The following EXOC2 variants were observed in gnomAD, a reference collection of about 807,000 sequenced individuals.
EXOC2 encodes the protein SEC5-like 1.
A neutral mutation model predicts 131.8 loss-of-function variants in EXOC2; 70 were observed. That is an observed-to-expected ratio of 0.53 (90% CI 0.44 to 0.65). EXOC2 has a LOEUF of 0.65. Ranked by LOEUF, EXOC2 falls within the 30% of genes least tolerant of loss-of-function variation. The pLI is 0.00. For synonymous variants in EXOC2, 411 were observed against 398.4 expected (o/e 1.03, Z -0.38); for missense variants, 923 against 1,108.6 (o/e 0.83, Z 2.38).
chr6:648,846 C>G (rs1762699722), intron 1 of EXOC2, among the ~76,000 whole-genome samples: 1 of 149,544 alleles, frequency 6.7e-6, no homozygotes, highest in Non-Finnish European at 1.5e-5. Flanking sequence ...CTCAGCCTTA[C>G]AAGTAGCTGG....
chr6:609,794 G>C lies in EXOC2; in HGVS notation c.742+304C>G, dbSNP rs550587925. Among the ~76,000 whole-genome samples the C allele has an allele frequency of 2.0e-5, 3 of 152,298 alleles. No individual in the cohort carries two copies. The East Asian group carries it at 5.8e-4, about 29-fold the overall frequency. On this transcript the variant is annotated intron_variant, in intron 7 of 27. Transcript: ENST00000230449. ...AGTGACAATCCTGGCTACTGCTTCA[G>C]TGCTTTCCTCGCTTTGAAGATGCTG...
chr6:579,927 A>T (rs1265780778), intron 11 of EXOC2, among the ~76,000 whole-genome samples: 5 of 152,214 alleles, frequency 3.3e-5, no homozygotes, highest in Admixed American at 3.3e-4. Flanking sequence ...AATCAGCAAA[A>T]GTCTTTAAAT....
chr6:679,821 C>T lies in EXOC2; in HGVS notation c.-44+13198G>A, dbSNP rs558388475. ...CAAATTAGCGAAATAGAAAGACATACGAATAAATAAATAGGCAGATAGGTA... is the reference window on the plus strand; with the variant it reads ...CAAATTAGCGAAATAGAAAGACATATGAATAAATAAATAGGCAGATAGGTA... On this transcript the variant is annotated intron_variant, in intron 1 of 27. Transcript: ENST00000230449. 5.9e-5 allele frequency among the ~76,000 whole-genome samples: 9 copies of T among 152,146 alleles called. No homozygotes were observed. In the South Asian group the frequency reaches 1.0e-3, roughly 18 times the overall value.
At chr6:590,101 C>T (rs1759455338) in intron 11 of EXOC2, among the ~76,000 whole-genome samples, 1 of 139,008 alleles carries the variant, frequency 7.2e-6, no homozygotes, top group South Asian at 2.4e-4. Flanking sequence ...GGCGACAAAG[C>T]GAGACTCTGT....
intron 1 of EXOC2, among the ~76,000 whole-genome samples, chr6:647,547 A>G (rs1220378594): frequency 7.1e-6 from 1 of 139,862 alleles, no homozygotes; most frequent in East Asian, 2.1e-4. Context: ...CGGATCTGTA[A>G]GAGTCTAGTA....
At position 486,145 on chromosome 6, in the gene EXOC2, T is replaced by C. The variant is rs1399863070; in HGVS notation, c.*526A>G. 6.6e-6 allele frequency: 1 copy of C among 152,220 alleles called. No individual in the cohort carries two copies. Among genetic ancestry groups the C allele is most frequent in the African/African-American group, 2.4e-5 (1 of 41,416 alleles). 9.4% of individuals were successfully genotyped at this position (152,220 alleles called of 1,614,324 possible). ...TATTTTAATGGAGACCATAAATTTT[T>C]CCAAAAACCCGCTTGAATTAGAAAA... On this transcript the variant is annotated 3_prime_UTR_variant, in exon 28 of 28. Coordinates refer to ENST00000230449, the MANE Select transcript of EXOC2 (RefSeq NM_018303.6).
intron 3 of EXOC2, among the ~76,000 whole-genome samples, chr6:631,275 C>A (rs1761835545): frequency 1.3e-5 from 2 of 152,214 alleles, no homozygotes; most frequent in Admixed American, 6.5e-5. Flanking sequence ...TGCAGTAGCT[C>A]ACACCTGTAA....
In EXOC2 at chr6:615,182, G is replaced by GTGT. The variant is rs1561927678; in HGVS notation, c.661+2528_661+2529insACA. ...GGTTTGAAAAGTATATGTGGGTGTGGGTGTGTGTGTGTGTGTGTGTGTGTG... is the reference window on the plus strand; with the variant it reads ...GGTTTGAAAAGTATATGTGGGTGTGGTGTGTGTGTGTGTGTGTGTGTGTGTGTG... On this transcript the variant is annotated intron_variant, in intron 6 of 27. Transcript: ENST00000230449. 8.3e-3 allele frequency among the ~76,000 whole-genome samples: 1,000 copies of GTGT among 121,100 alleles called. 5 individuals carry two copies. Among genetic ancestry groups the GTGT allele is most frequent in the Middle Eastern group, 0.036 (8 of 220 alleles). The allele number at this position is 121,100 out of a possible 152,430, so 79.4% of individuals were successfully genotyped here. A position where few individuals can be genotyped will look rare whatever the true frequency, so the allele number is the denominator to read the frequency against.
intron 22 of EXOC2, among the ~76,000 whole-genome samples, chr6:544,529 C>T (rs916934599): frequency 1.3e-5 from 2 of 152,060 alleles, no homozygotes; most frequent in Non-Finnish European, 2.9e-5. Flanking sequence ...ATAAAATAGC[C>T]TGTAAACAAA....
rs987048753 is a variant in EXOC2 at position 659,479 on chromosome 6, A to C, written c.-43-21618T>G. Among the ~76,000 whole-genome samples, 28 of 152,286 alleles carry C rather than the reference A, an allele frequency of 1.8e-4. No homozygotes were observed. The Middle Eastern group carries it at 0.01, about 55-fold the overall frequency. On this transcript the variant is annotated intron_variant, in intron 1 of 27. Transcript: ENST00000230449. ...TGCAAGAACAAACCAGCAATCTCAGACCCTCTGAAGGAAGTAAACTGCTCT... is the reference window on the plus strand; with the variant it reads ...TGCAAGAACAAACCAGCAATCTCAGCCCCTCTGAAGGAAGTAAACTGCTCT...
At chr6:644,975 C>T (rs1762513535) in intron 1 of EXOC2, among the ~76,000 whole-genome samples, 1 of 152,026 alleles carries the variant, frequency 6.6e-6, no homozygotes, top group Non-Finnish European at 1.5e-5. Flanking sequence ...TTCTAAAATT[C>T]CAGTAGATAT....
chr6:564,703 C>T lies in EXOC2; in HGVS notation c.1510-1G>A, dbSNP rs1295299737. 6.3e-7 allele frequency: 1 copy of T among 1,586,446 alleles called. No homozygotes were observed. On this transcript the variant is annotated splice_acceptor_variant, in intron 14 of 27. Transcript: ENST00000230449. LOFTEE classifies it high-confidence loss of function. ...AGTGCATTACTTCCTGAATCATTTT[C>T]TAGAAAACCAGGAACAAGCATAACC...
intron 12 of EXOC2, among the ~76,000 whole-genome samples, chr6:576,217 T>C (rs893843250): frequency 6.6e-6 from 1 of 152,212 alleles, no homozygotes; most frequent in Non-Finnish European, 1.5e-5. Context: ...GAATGCCTGA[T>C]AGTCGATCAT....
Position 485,773 on chromosome 6 carries a change from A to G in EXOC2, c.*898T>C, listed in dbSNP as rs962573571. The G allele has an allele frequency of 3.9e-5, 6 of 152,278 alleles. No homozygotes were observed. The highest frequency in any genetic ancestry group is 1.4e-4 in the African/African-American group (6 of 41,468). 9.4% of individuals were successfully genotyped at this position (152,278 alleles called of 1,614,324 possible). A position where few individuals can be genotyped will look rare whatever the true frequency, so the allele number is the denominator to read the frequency against. Reference sequence around the variant, plus strand: ...TTCCAGCTACTGAGCAAGATCCTTCAGCAGGTAAGAAGTGGCAGAGACAGT... The same window carrying G: ...TTCCAGCTACTGAGCAAGATCCTTCGGCAGGTAAGAAGTGGCAGAGACAGT... On this transcript the variant is annotated 3_prime_UTR_variant, in exon 28 of 28. Coordinates refer to ENST00000230449, the MANE Select transcript of EXOC2 (RefSeq NM_018303.6).
chr6:569,241 C>G (rs373112589), intron 13 of EXOC2, among the ~76,000 whole-genome samples: 1 of 152,170 alleles, frequency 6.6e-6, no homozygotes, highest in South Asian at 2.1e-4. Context: ...AAGGTGAGAT[C>G]TTAACCTACT....
chr6:562,534 A>G (rs1757754775), intron 17 of EXOC2, among the ~76,000 whole-genome samples: 1 of 152,258 alleles, frequency 6.6e-6, no homozygotes, highest in Admixed American at 6.5e-5. Flanking sequence ...TTAAAAAACT[A>G]ATTCAAACAA....
Position 485,598 on chromosome 6 carries a change from G to A in EXOC2, c.*1073C>T, listed in dbSNP as rs1226960265. The A allele has an allele frequency of 3.9e-5, 6 of 152,254 alleles. No individual in the cohort carries two copies. Among genetic ancestry groups the A allele is most frequent in the African/African-American group, 9.6e-5 (4 of 41,456 alleles). The allele number at this position is 152,254 out of a possible 1,614,324, so 9.4% of individuals were successfully genotyped here. A position where few individuals can be genotyped will look rare whatever the true frequency, so the allele number is the denominator to read the frequency against. On this transcript the variant is annotated 3_prime_UTR_variant, in exon 28 of 28. Transcript: ENST00000230449. ...GAGTTGGGTGGGCCGCTGACTCTGA[G>A]AGAAGTCCCGGTGACCTGAACCTAT... is the stretch of plus-strand genomic sequence containing the variant.
At chr6:638,751 G>A (rs574049438) in intron 1 of EXOC2, among the ~76,000 whole-genome samples, 78 of 152,232 alleles carry the variant, frequency 5.1e-4, no homozygotes, top group Non-Finnish European at 8.8e-4. Context: ...CCAACGTGGT[G>A]AAACCCCGTC....
At chr6:493,825 G>T (rs1461832048) in intron 25 of EXOC2, among the ~76,000 whole-genome samples, 1 of 152,142 alleles carries the variant, frequency 6.6e-6, no homozygotes, top group Non-Finnish European at 1.5e-5. Context: ...CTGGAGGCTG[G>T]AACAGTTTGA....
Sources: allele counts gnomAD v4.1 joint callset (sites outside exome capture counted in the v4.1 genomes callset), GRCh38; gene constraint gnomAD v4.1.1; transcripts MANE v1.5; gene names NCBI Gene and HGNC (gene_info 2026-07-23, HGNC 2026-07-21).